UBAC2: variants seen among roughly 807,000 people sequenced by gnomAD.
UBAC2 encodes UBA domain containing 2, also known as ubiquitin-associated domain-containing protein 2.
UBAC2 carries 26 observed loss-of-function variants against 44.0 expected under a neutral mutation model. The observed-to-expected ratio is 0.59, with a 90% CI of 0.43 to 0.82. The LOEUF is 0.82. UBAC2 is among the 40% of genes least tolerant of loss of function. UBAC2 has a pLI of 0.00. For missense variants in UBAC2, 329 were observed against 419.4 expected (o/e 0.78, Z 1.88); for synonymous variants, 155 against 154.3 (o/e 1.00, Z -0.04).
chr13:99,271,086 A>G (rs1160904006), intron 4 of UBAC2, among the ~76,000 whole-genome samples: 2 of 152,220 alleles, frequency 1.3e-5, no homozygotes, highest in Non-Finnish European at 2.9e-5. Context: ...CAAAGCAGAC[A>G]AAATCTTTGT....
intron 2 of UBAC2, among the ~76,000 whole-genome samples, chr13:99,241,653 G>C (rs1016360427): frequency 4.6e-5 from 7 of 151,960 alleles, no homozygotes; most frequent in Non-Finnish European, 1.0e-4. Context: ...GAAATAGATA[G>C]TGGTGATGGG....
At chr13:99,302,095 C>A (rs552715885) in intron 4 of UBAC2, among the ~76,000 whole-genome samples, 1 of 152,242 alleles carries the variant, frequency 6.6e-6, no homozygotes, top group African/African-American at 2.4e-5. Context: ...TGACCTAAAT[C>A]AATGTGCCCA....
chr13:99,351,499 TC>T, intron 7 of UBAC2: 1 of 456,050 alleles, frequency 2.2e-6, no homozygotes, highest in Non-Finnish European at 4.4e-6. Context: ...TATTTGCCAG[TC>T]CCTGCTGTAG....
chr13:99,372,011 G>A (rs2045412976), intron 8 of UBAC2, among the ~76,000 whole-genome samples: 1 of 152,150 alleles, frequency 6.6e-6, no homozygotes, highest in Non-Finnish European at 1.5e-5. Flanking sequence ...TAAACCCACG[G>A]CACCTCTGCC....
chr13:99,278,344 G>A (rs934596836), intron 4 of UBAC2, among the ~76,000 whole-genome samples: 7 of 152,118 alleles, frequency 4.6e-5, no homozygotes, highest in Non-Finnish European at 7.4e-5. Flanking sequence ...TTTCTCGGGC[G>A]CGTGAAGGGA....
intron 6 of UBAC2, among the ~76,000 whole-genome samples, chr13:99,335,880 AC>A (rs1325772617): frequency 6.6e-6 from 1 of 151,868 alleles, no homozygotes; most frequent in Non-Finnish European, 1.5e-5. Flanking sequence ...CTCCATCCTT[AC>A]CAAAACCTCA....
intron 4 of UBAC2, among the ~76,000 whole-genome samples, chr13:99,302,872 T>C (rs994335762): frequency 1.3e-5 from 2 of 152,188 alleles, no homozygotes; most frequent in Admixed American, 6.5e-5. Flanking sequence ...TTGTACACTG[T>C]AAGGTGACTT....
At chr13:99,303,907 C>T (rs1369439212) in intron 4 of UBAC2, among the ~76,000 whole-genome samples, 1 of 152,186 alleles carries the variant, frequency 6.6e-6, no homozygotes, top group East Asian at 1.9e-4. Flanking sequence ...CGTGTTCTCC[C>T]TCACCTGCTG....
intron 7 of UBAC2, 47 bp downstream of exon 7, chr13:99,340,612 C>G (rs776369756): frequency 2.5e-5 from 40 of 1,580,816 alleles, no homozygotes; most frequent in Non-Finnish European, 3.4e-5. Context: ...CTCAGTGGCC[C>G]AAGCAAATCT....
chr13:99,201,085 C>A, intron 1 of UBAC2, 146 bp downstream of exon 1: 1 of 1,339,680 alleles, frequency 7.5e-7, no homozygotes, highest in Non-Finnish European at 9.6e-7. Flanking sequence ...CTGCTAGTTC[C>A]CGGTCTTGGG....
intron 7 of UBAC2, among the ~76,000 whole-genome samples, chr13:99,352,268 T>A (rs188383503): frequency 6.6e-6 from 1 of 152,222 alleles, no homozygotes; most frequent in Non-Finnish European, 1.5e-5. Flanking sequence ...ATTTTTTAAT[T>A]GCACAAATAC....
intron 1 of UBAC2, chr13:99,206,131 G>A (rs1340875598): frequency 6.5e-6 from 1 of 152,760 alleles, no homozygotes; most frequent in Non-Finnish European, 1.5e-5. Flanking sequence ...GAGAAGATGA[G>A]TTCAGCTTTG....
intron 1 of UBAC2, among the ~76,000 whole-genome samples, chr13:99,225,040 T>A (rs550898540): frequency 6.6e-6 from 1 of 152,212 alleles, no homozygotes; most frequent in Non-Finnish European, 1.5e-5. Context: ...CAGATCTGTA[T>A]TTTTAGGGGT....
chr13:99,266,374 T>C (rs1594069537), intron 4 of UBAC2, among the ~76,000 whole-genome samples: 1 of 151,760 alleles, frequency 6.6e-6, no homozygotes, highest in East Asian at 1.9e-4. Context: ...AAAAAAAAAA[T>C]CATGGAAAAA....
intron 6 of UBAC2, among the ~76,000 whole-genome samples, chr13:99,330,326 G>C (rs1013727182): frequency 6.6e-6 from 1 of 151,688 alleles, no homozygotes; most frequent in African/African-American, 2.4e-5. Context: ...AGGCTTGGTG[G>C]CGGATGCCTG....
chr13:99,270,915 A>G (rs568513469), intron 4 of UBAC2, among the ~76,000 whole-genome samples: 247 of 152,338 alleles, frequency 1.6e-3, no homozygotes, highest in Middle Eastern at 0.01. Flanking sequence ...TTATGCATGC[A>G]TGAATGAATG....
intron 1 of UBAC2, chr13:99,215,465 C>A (rs1203896200): frequency 9.4e-6 from 13 of 1,386,570 alleles, no homozygotes; most frequent in Non-Finnish European, 1.2e-5. Context: ...TGATGAGAAT[C>A]CAATTCTTCA....
chr13:99,323,198 A>G (rs531038077), intron 6 of UBAC2, among the ~76,000 whole-genome samples: 1 of 152,206 alleles, frequency 6.6e-6, no homozygotes, highest in East Asian at 1.9e-4. Context: ...TGGTATAGGT[A>G]GCAGCTCAGA....
chr13:99,385,399 A>C lies in UBAC2; in HGVS notation c.*64A>C. The stretch of plus-strand genomic sequence containing the variant: ...GTGACAGTGCGTGGTCCCCACCATC[A>C]GATCAGCCCGGGGACCGAGCATCTC... On this transcript the variant is annotated 3_prime_UTR_variant, in exon 9 of 9. Coordinates refer to ENST00000403766, the MANE Select transcript of UBAC2 (RefSeq NM_001144072.2). 1 of 1,358,962 alleles carries C rather than the reference A, an allele frequency of 7.4e-7. No homozygotes were observed. Among genetic ancestry groups the C allele is most frequent in the Non-Finnish European group, 1.0e-6 (1 of 954,252 alleles). 84.2% of individuals were successfully genotyped at this position (1,358,962 alleles called of 1,614,324 possible).
Sources: gnomAD v4.1 joint callset for allele counts (sites outside exome capture counted in the v4.1 genomes callset) on GRCh38, gnomAD v4.1.1 for gene constraint, MANE v1.5 for transcripts, NCBI Gene and HGNC (gene_info 2026-07-23, HGNC 2026-07-21) for gene names.